The following AMT variants were observed in gnomAD, a reference collection of about 807,000 sequenced individuals.
AMT encodes the protein aminomethyltransferase.
AMT carries 24 observed loss-of-function variants against 39.5 expected under a neutral mutation model. That is an observed-to-expected ratio of 0.61 (90% CI 0.44 to 0.86). The LOEUF (loss-of-function observed/expected upper bound fraction) is 0.86, where lower values mean the gene tolerates loss of function less well. AMT is among the 40% of genes least tolerant of loss of function. The probability of loss-of-function intolerance (pLI) is 0.00; values close to 1 mark genes in which losing one functional copy is unlikely to be tolerated. For missense variants in AMT, 501 were observed against 537.0 expected (o/e 0.93, Z 0.66); for synonymous variants, 210 against 212.1 (o/e 0.99, Z 0.09).
chr3:49,421,891 T>C (rs2049108856), intron 2 of AMT: 1 of 763,626 alleles, frequency 1.3e-6, no homozygotes, highest in Non-Finnish European at 2.3e-6. Context: ...AGGCACACCA[T>C]TTAATGGGGG....
intron 7 of AMT, 28 bp downstream of exon 7, chr3:49,418,943 C>A (rs544936243): frequency 9.9e-6 from 16 of 1,612,714 alleles, no homozygotes; most frequent in Non-Finnish European, 1.4e-5. Flanking sequence ...CCTCCAGGAC[C>A]CTATCCTTTA....
Position 49,416,800 on chromosome 3 carries a change from A to T in AMT, c.*740T>A. On this transcript the variant is annotated 3_prime_UTR_variant, in exon 9 of 9. Transcript: ENST00000273588. ...GACTGGCAAGTAAGAAGGAAGTTTAATTTTTTTTTCAGGATTCAGTGGAGT... is the reference window on the plus strand; with the variant it reads ...GACTGGCAAGTAAGAAGGAAGTTTATTTTTTTTTTCAGGATTCAGTGGAGT... The T allele has an allele frequency of 2.2e-6, 1 of 449,102 alleles. No homozygotes were observed. The highest frequency in any genetic ancestry group is 1.6e-5 in the South Asian group (1 of 64,308). The allele number at this position is 449,102 out of a possible 1,614,324, so 27.8% of individuals were successfully genotyped here.
At chr3:49,419,848 G>A in intron 4 of AMT, 60 bp from the exon 5 acceptor site, 1 of 1,501,038 alleles carries the variant, frequency 6.7e-7, no homozygotes, top group Non-Finnish European at 9.3e-7. Context: ...CCATGGGCTG[G>A]ACGCTGCAGA....
Position 49,419,140 on chromosome 3 carries a change from C to G in AMT, c.708G>C (p.Pro236=). The G allele has an allele frequency of 6.2e-7, 1 of 1,613,926 alleles. No individual in the cohort carries two copies. The highest frequency in any genetic ancestry group is 8.5e-7 in the Non-Finnish European group (1 of 1,179,948). ...TTGCCAGGTGAACTGCCCCCGCTAC[C>G]GGCACCGAGATCTGTATGAAACACC... ...TGEDGVEISV[P]VAGAVHLATA... Residue 236 remains proline (P), a synonymous_variant, in exon 7 of 9, where the codon CCG becomes CCC. Transcript: ENST00000273588.
At position 49,417,284 on chromosome 3, in the gene AMT, C is replaced by T. The variant is rs1326149912; in HGVS notation, c.*256G>A. 1.9e-5 allele frequency: 31 copies of T among 1,598,654 alleles called. No individual in the cohort carries two copies. Among genetic ancestry groups the T allele is most frequent in the Non-Finnish European group, 2.5e-5 (29 of 1,179,224 alleles). Reference sequence around the variant, plus strand: ...AAGCTTCTCATTACCCTCCAGCAGGCAAGAGTAGGTCAGTGGGATCATGGA... The same window carrying T: ...AAGCTTCTCATTACCCTCCAGCAGGTAAGAGTAGGTCAGTGGGATCATGGA... On this transcript the variant is annotated 3_prime_UTR_variant, in exon 9 of 9. Coordinates refer to ENST00000273588, the MANE Select transcript of AMT (RefSeq NM_000481.4).
intron 4 of AMT, 84 bp from the exon 5 acceptor site, chr3:49,419,872 AG>A: frequency 7.7e-7 from 1 of 1,296,504 alleles, no homozygotes; most frequent in South Asian, 1.2e-5. Flanking sequence ...GGACAGTAGT[AG>A]GACAGTGGAG....
Position 49,418,166 on chromosome 3 carries a change from C to T in AMT, c.878-193G>A, listed in dbSNP as rs2049032024. The T allele has an allele frequency of 4.6e-6, 3 of 653,300 alleles. No individual in the cohort carries two copies. The Admixed American group carries it at 8.6e-5, about 19-fold the overall frequency. The allele number at this position is 653,300 out of a possible 1,614,324, so 40.5% of individuals were successfully genotyped here. A position where few individuals can be genotyped will look rare whatever the true frequency, so the allele number is the denominator to read the frequency against. On this transcript the variant is annotated intron_variant, in intron 7 of 8. Transcript: ENST00000273588. ...TATCCCCTGGAGGCCATGCTGCCCA[C>T]CTGCCGAGCGTCTTCAGTTTCTTTT...
chr3:49,420,009 A>AC, intron 4 of AMT: 1 of 811,352 alleles, frequency 1.2e-6, no homozygotes, highest in Non-Finnish European at 2.0e-6. Context: ...AGGGGCCAAG[A>AC]CCCCCTCCCC....
Position 49,417,606 on chromosome 3 carries a change from C to T in AMT, c.1146G>A (p.Arg382=). The change falls in exon 9 of 9, where the codon CGG becomes CGA. Residue 382 remains arginine (R), a synonymous_variant. Coordinates refer to ENST00000273588, the MANE Select transcript of AMT (RefSeq NM_000481.4). The part of the protein sequence containing the change: ...PGTMLLVEVR[R]KQQMAVVSKM... ...TGCTGACTACAGCCATCTGCTGCTTCCGCCGCACCTCTACCAGCAGCATTG... is the reference window on the plus strand; with the variant it reads ...TGCTGACTACAGCCATCTGCTGCTTTCGCCGCACCTCTACCAGCAGCATTG... 6.2e-7 allele frequency: 1 copy of T among 1,614,200 alleles called. No individual in the cohort carries two copies. The highest frequency in any genetic ancestry group is 8.5e-7 in the Non-Finnish European group (1 of 1,180,032).
Position 49,419,317 on chromosome 3 carries a change from A to G in AMT, c.639T>C (p.Phe213=). The G allele has an allele frequency of 1.2e-6, 2 of 1,614,156 alleles. No individual in the cohort carries two copies. Among genetic ancestry groups the G allele is most frequent in the Non-Finnish European group, 1.7e-6 (2 of 1,180,014 alleles). The change falls in exon 6 of 9, where the codon TTT becomes TTC. Residue 213 remains phenylalanine, a synonymous_variant. Coordinates refer to ENST00000273588, the MANE Select transcript of AMT (RefSeq NM_000481.4). The part of the protein sequence containing the change: ...PFMTSAVMEV[F]GVSGCRVTRC... Reference sequence around the variant, plus strand: ...GGGTCACGCGGCAGCCAGACACGCCAAACACCTCCATCACAGCACTGGTCA... The same window carrying G: ...GGGTCACGCGGCAGCCAGACACGCCGAACACCTCCATCACAGCACTGGTCA...
At position 49,417,708 on chromosome 3, in the gene AMT, A is replaced by G; in HGVS notation, c.1044T>C (p.Thr348=). Residue 348 remains threonine, a synonymous_variant, in exon 9 of 9, where the codon ACT becomes ACC. Coordinates refer to ENST00000273588, the MANE Select transcript of AMT (RefSeq NM_000481.4). ...TCAGAGAGGGGGAGGGGCAGCCACT[A>G]GTCACAGTACCTGTCAAGCAAGCAT... The part of the protein sequence containing the change: ...NMEGTKIGTV[T]SGCPSPSLKK... 1 of 1,614,024 alleles carries G rather than the reference A, an allele frequency of 6.2e-7. No homozygotes were observed. The highest frequency in any genetic ancestry group is 8.5e-7 in the Non-Finnish European group (1 of 1,180,016).
rs527710414 is a variant in AMT, at chr3:49,416,947, C to T, written c.*593G>A. On this transcript the variant is annotated 3_prime_UTR_variant, in exon 9 of 9. Transcript: ENST00000273588. Reference sequence around the variant, plus strand: ...GTGGTGAGTCTGCCATGGTTTGCTACTGGGCAGCACACTAGACCAACTTGG... The same window carrying T: ...GTGGTGAGTCTGCCATGGTTTGCTATTGGGCAGCACACTAGACCAACTTGG... 4.3e-6 allele frequency: 2 copies of T among 467,134 alleles called. No homozygotes were observed. The highest frequency in any genetic ancestry group is 2.3e-5 in the Admixed American group (1 of 42,886). 28.9% of individuals were successfully genotyped at this position (467,134 alleles called of 1,614,324 possible).
Position 49,422,452 on chromosome 3 carries a change from G to A in AMT, c.-2C>T, listed in dbSNP as rs745484929. 28 of 1,612,666 alleles carry A rather than the reference G, an allele frequency of 1.7e-5. No homozygotes were observed. Among genetic ancestry groups the A allele is most frequent in the Admixed American group, 3.3e-5 (2 of 59,886 alleles). On this transcript the variant is annotated 5_prime_UTR_variant, in exon 1 of 9. It adds an upstream start codon to the 5' untranslated region. Coordinates refer to ENST00000273588, the MANE Select transcript of AMT (RefSeq NM_000481.4). ...CACCACACTTACAGCCCTCTGCATC[G>A]TCGCCTGCAACGAGTGCAGACGGCG...
At chr3:49,422,073 A>T in intron 2 of AMT, 31 bp downstream of exon 2, 1 of 1,613,068 alleles carries the variant, frequency 6.2e-7, no homozygotes. Context: ...GGAAGGCCTG[A>T]TCAGATGGCC....
chr3:49,421,093 C>T (rs1258321388), intron 3 of AMT: 5 of 280,456 alleles, frequency 1.8e-5, no homozygotes, highest in East Asian at 1.8e-4. Flanking sequence ...TTAGTAGAAA[C>T]GAGGTTTTGC....
At position 49,417,270 on chromosome 3, in the gene AMT, T is replaced by C. The variant is rs1242862201; in HGVS notation, c.*270A>G. On this transcript the variant is annotated 3_prime_UTR_variant, in exon 9 of 9. Coordinates refer to ENST00000273588, the MANE Select transcript of AMT (RefSeq NM_000481.4). The stretch of plus-strand genomic sequence containing the variant: ...AGATGGCAGAACCAAAGCTTCTCAT[T>C]ACCCTCCAGCAGGCAAGAGTAGGTC... 6.3e-7 allele frequency: 1 copy of C among 1,597,022 alleles called. No individual in the cohort carries two copies. The highest frequency in any genetic ancestry group is 1.3e-5 in the African/African-American group (1 of 74,842).
At chr3:49,421,774 A>T (rs568708034) in intron 2 of AMT, 2 of 678,958 alleles carry the variant, frequency 2.9e-6, no homozygotes, top group Admixed American at 2.1e-5. Flanking sequence ...GGGGACTGCC[A>T]GGGAACTGGA....
Position 49,417,348 on chromosome 3 carries a change from A to G in AMT, c.*192T>C. The G allele has an allele frequency of 6.3e-7, 1 of 1,596,638 alleles. No homozygotes were observed. Among genetic ancestry groups the G allele is most frequent in the Non-Finnish European group, 8.5e-7 (1 of 1,176,388 alleles). ...TTGTGTGAGCTGGTCCGTCACTCAG[A>G]AGCAGGGTCCTGAAGGAAGCTGGAA... On this transcript the variant is annotated 3_prime_UTR_variant, in exon 9 of 9. Coordinates refer to ENST00000273588, the MANE Select transcript of AMT (RefSeq NM_000481.4).
intron 5 of AMT, 71 bp downstream of exon 5, chr3:49,419,639 G>A: frequency 1.3e-6 from 2 of 1,516,794 alleles, no homozygotes; most frequent in Non-Finnish European, 1.8e-6. Context: ...TCTTGGTATG[G>A]CCTCTGTGCT....
Sources: allele counts gnomAD v4.1 joint callset, GRCh38; gene constraint gnomAD v4.1.1; transcripts MANE v1.5; gene names NCBI Gene and HGNC (gene_info 2026-07-23, HGNC 2026-07-21).